Variants in ARPP19 observed in about 807,000 individuals in gnomAD.
ARPP19 encodes cAMP-regulated phosphoprotein 19.
Under a neutral mutation model 12.0 loss-of-function variants are expected in ARPP19, and 8 were observed. The observed-to-expected ratio is 0.67, with a 90% CI of 0.39 to 1.21. The LOEUF (loss-of-function observed/expected upper bound fraction) is 1.21, where lower values mean the gene tolerates loss of function less well. Ranked by LOEUF, ARPP19 falls within the 50% of genes most tolerant of loss-of-function variation. The pLI is 0.01. For missense variants in ARPP19, 102 were observed against 136.3 expected (o/e 0.75, Z 1.25); for synonymous variants, 47 against 50.4 (o/e 0.93, Z 0.29).
At chr15:52,556,503 A>C (rs2077983105) in intron 2 of ARPP19, among the ~76,000 whole-genome samples, 1 of 152,196 alleles carries the variant, frequency 6.6e-6, no homozygotes, top group Non-Finnish European at 1.5e-5. Flanking sequence ...TGAACTATGA[A>C]AATGAAAATG....
intron 1 of ARPP19, among the ~76,000 whole-genome samples, chr15:52,562,469 T>C (rs2078043100): frequency 6.6e-6 from 1 of 152,140 alleles, no homozygotes; most frequent in Admixed American, 6.5e-5. Context: ...GTTCTAGACC[T>C]ACCCGGGCAA....
At chr15:52,557,003 A>C in intron 2 of ARPP19, 97 bp downstream of exon 2, 1 of 1,332,532 alleles carries the variant, frequency 7.5e-7, no homozygotes, top group Non-Finnish European at 1.0e-6. Flanking sequence ...ATACCTGATA[A>C]AGTACAATGC....
chr15:52,553,447 A>G (rs538015263), intron 2 of ARPP19, among the ~76,000 whole-genome samples: 1 of 152,208 alleles, frequency 6.6e-6, no homozygotes, highest in South Asian at 2.1e-4. Context: ...AAAAACATAA[A>G]TTTGCCTGGG....
intron 1 of ARPP19, among the ~76,000 whole-genome samples, chr15:52,568,098 C>G (rs1397437622): frequency 6.6e-6 from 1 of 152,186 alleles, no homozygotes; most frequent in African/African-American, 2.4e-5. Flanking sequence ...ACACTCCCGG[C>G]CTATTCCCCT....
chr15:52,564,259 A>G, intron 1 of ARPP19: 2 of 1,531,126 alleles, frequency 1.3e-6, no homozygotes, highest in Non-Finnish European at 1.8e-6. Context: ...GAATAGAAAT[A>G]GAAAACATGG....
intron 1 of ARPP19, among the ~76,000 whole-genome samples, chr15:52,563,000 C>T (rs1345856927): frequency 2.6e-5 from 4 of 151,434 alleles, no homozygotes; most frequent in East Asian, 1.9e-4. Flanking sequence ...CTCAGCCTCC[C>T]GAGTAGCTGG....
chr15:52,557,491 C>T (rs896625328), intron 1 of ARPP19: 1 of 333,492 alleles, frequency 3.0e-6, no homozygotes, highest in African/African-American at 2.2e-5. Flanking sequence ...GTCTTGCTTG[C>T]CATTACTTTT....
At chr15:52,552,498 G>A (rs1185068384) in intron 2 of ARPP19, among the ~76,000 whole-genome samples, 3 of 146,036 alleles carry the variant, frequency 2.1e-5, no homozygotes, top group Non-Finnish European at 3.0e-5. Context: ...TGAGGCTTAA[G>A]AGTCATGTGA....
At chr15:52,562,583 G>C (rs2078044374) in intron 1 of ARPP19, among the ~76,000 whole-genome samples, 1 of 151,960 alleles carries the variant, frequency 6.6e-6, no homozygotes, top group Non-Finnish European at 1.5e-5. Context: ...GGCTGAGGTG[G>C]GAGGGTCACT....
intron 2 of ARPP19, among the ~76,000 whole-genome samples, chr15:52,553,114 T>A (rs942115279): frequency 5.9e-5 from 9 of 152,132 alleles, no homozygotes; most frequent in African/African-American, 2.2e-4. Context: ...ATTATAGTTA[T>A]TAAAACTATT....
intron 1 of ARPP19, among the ~76,000 whole-genome samples, chr15:52,564,564 C>T (rs1466801070): frequency 6.6e-6 from 1 of 152,092 alleles, no homozygotes; most frequent in Non-Finnish European, 1.5e-5. Context: ...TAAAATAATG[C>T]AGATAAAGGT....
chr15:52,560,349 CTTAA>C (rs758781804), intron 1 of ARPP19, among the ~76,000 whole-genome samples: 2 of 151,980 alleles, frequency 1.3e-5, no homozygotes, highest in Non-Finnish European at 2.9e-5. Flanking sequence ...ATTAAGCATG[CTTAA>C]TTAAATTAAA....
chr15:52,553,337 C>T (rs2141722615), intron 2 of ARPP19, among the ~76,000 whole-genome samples: 1 of 152,228 alleles, frequency 6.6e-6, no homozygotes, highest in Admixed American at 6.5e-5. Context: ...TGAAGTATGA[C>T]TACTGCTTTT....
chr15:52,560,613 G>C (rs930026991), intron 1 of ARPP19, among the ~76,000 whole-genome samples: 2 of 152,216 alleles, frequency 1.3e-5, no homozygotes, highest in African/African-American at 4.8e-5. Flanking sequence ...TTCCACAAAA[G>C]TTTTCATGAA....
rs62023330 is a variant in ARPP19, at chr15:52,549,104, A to G, written c.*2830T>C. 0.037 allele frequency: 5,601 copies of G among 152,362 alleles called. 197 individuals are homozygous for G. The highest frequency in any genetic ancestry group is 0.11 in the Admixed American group (1,680 of 15,302). 9.4% of individuals were successfully genotyped at this position (152,362 alleles called of 1,614,324 possible). A position where few individuals can be genotyped will look rare whatever the true frequency, so the allele number is the denominator to read the frequency against. ...ATGAAATGTTCCTCAAAACTGTTCT[A>G]TCAAATGTAGTAGCTATTGGACATA... On this transcript the variant is annotated 3_prime_UTR_variant, in exon 3 of 3. Coordinates refer to ENST00000249822, the MANE Select transcript of ARPP19 (RefSeq NM_006628.6).
intron 1 of ARPP19, chr15:52,564,390 C>T (rs776126758): frequency 8.0e-5 from 51 of 637,064 alleles, no homozygotes; most frequent in African/African-American, 1.6e-4. Flanking sequence ...CCAGCCTGGG[C>T]GACAGAGTAA....
intron 2 of ARPP19, 59 bp downstream of exon 2, chr15:52,557,041 C>G (rs531458262): frequency 2.5e-6 from 4 of 1,570,336 alleles, no homozygotes; most frequent in Non-Finnish European, 3.5e-6. Flanking sequence ...GTTTCACAAT[C>G]TGTCAGCATA....
chr15:52,566,096 C>T (rs564523709), intron 1 of ARPP19, among the ~76,000 whole-genome samples: 10 of 151,990 alleles, frequency 6.6e-5, no homozygotes, highest in South Asian at 4.2e-4. Flanking sequence ...CCTCATGATC[C>T]GCCAGCCTCG....
Position 52,552,769 on chromosome 15 carries a change from T to C in ARPP19, c.169-665A>G, listed in dbSNP as rs185523153. ...TGAAACACTTGCTTAAATTATTTTA[T>C]AAATAAAACACATAATTTGGCTGGG... is the stretch of plus-strand genomic sequence containing the variant. On this transcript the variant is annotated intron_variant, in intron 2 of 2. Transcript: ENST00000249822. 2.0e-3 allele frequency among the ~76,000 whole-genome samples: 307 copies of C among 152,194 alleles called. 1 individual carries two copies. The highest frequency in any genetic ancestry group is 3.0e-3 in the Non-Finnish European group (204 of 67,998).
Sources: gnomAD v4.1 joint callset for allele counts (sites outside exome capture counted in the v4.1 genomes callset) on GRCh38, gnomAD v4.1.1 for gene constraint, MANE v1.5 for transcripts, NCBI Gene and HGNC (gene_info 2026-07-23, HGNC 2026-07-21) for gene names.